EXOC6B: variants seen among roughly 807,000 people sequenced by gnomAD.
EXOC6B encodes the protein exocyst complex component 6B.
EXOC6B carries 54 observed loss-of-function variants against 113.5 expected under a neutral mutation model. The observed-to-expected ratio is 0.48, with a 90% confidence interval of 0.38 to 0.60. EXOC6B has a LOEUF of 0.60. Ranked by LOEUF, EXOC6B falls within the 20% of genes least tolerant of loss-of-function variation. EXOC6B has a pLI of 0.00. For synonymous variants in EXOC6B, 357 were observed against 339.0 expected, an observed-to-expected ratio of 1.05 and a Z score of -0.58; for missense variants, 797 against 977.5, an observed-to-expected ratio of 0.82 and a Z score of 2.46.
At chr2:72,401,025 G>A (rs527554771) in intron 18 of EXOC6B, among the ~76,000 whole-genome samples, 6 of 151,914 alleles carry the variant, frequency 3.9e-5, no homozygotes, top group Non-Finnish European at 8.8e-5. Context: ...TAATAGCAAA[G>A]ATAAGGAATC....
At chr2:72,402,014 G>A (rs1025446231) in intron 18 of EXOC6B, among the ~76,000 whole-genome samples, 3 of 151,522 alleles carry the variant, frequency 2.0e-5, no homozygotes, top group Admixed American at 6.6e-5. Flanking sequence ...ACAAAAAAAT[G>A]GCCTCATAGA....
chr2:72,697,900 T>C (rs1678007839), intron 6 of EXOC6B, among the ~76,000 whole-genome samples: 1 of 152,180 alleles, frequency 6.6e-6, no homozygotes, highest in African/African-American at 2.4e-5. Context: ...GAGTGTTAAA[T>C]CTAATCATGC....
intron 15 of EXOC6B, among the ~76,000 whole-genome samples, 164 bp downstream of exon 15, chr2:72,495,266 T>C (rs1257763493): frequency 1.3e-5 from 2 of 152,226 alleles, no homozygotes; most frequent in African/African-American, 4.8e-5. Flanking sequence ...CAATCTTCTC[T>C]TTCATCGTGA....
At chr2:72,813,160 G>T (rs1323739926) in intron 1 of EXOC6B, among the ~76,000 whole-genome samples, 2 of 152,134 alleles carry the variant, frequency 1.3e-5, no homozygotes, top group Non-Finnish European at 2.9e-5. Context: ...CATGACATTG[G>T]CTCACTGCAG....
At chr2:72,609,579 T>C (rs538136184) in intron 6 of EXOC6B, among the ~76,000 whole-genome samples, 2 of 151,036 alleles carry the variant, frequency 1.3e-5, no homozygotes, top group South Asian at 2.1e-4. Flanking sequence ...GTCCAAACTA[T>C]TGAAGTGCAG....
intron 1 of EXOC6B, among the ~76,000 whole-genome samples, chr2:72,801,180 C>T (rs1685252692): frequency 6.6e-6 from 1 of 152,174 alleles, no homozygotes; most frequent in South Asian, 2.1e-4. Flanking sequence ...TATAGAACAG[C>T]AATTTCTACT....
intron 18 of EXOC6B, among the ~76,000 whole-genome samples, chr2:72,446,148 T>C (rs1402887370): frequency 2.0e-5 from 3 of 152,130 alleles, no homozygotes; most frequent in African/African-American, 4.8e-5. Context: ...ACTAGGTATA[T>C]AACCAGGGGA....
intron 1 of EXOC6B, among the ~76,000 whole-genome samples, chr2:72,753,772 G>A (rs940128717): frequency 6.6e-6 from 1 of 152,090 alleles, no homozygotes; most frequent in Non-Finnish European, 1.5e-5. Context: ...AGTTCCTTGA[G>A]TGTAGCATGT....
chr2:72,390,727 T>C (rs1003574524), intron 18 of EXOC6B, among the ~76,000 whole-genome samples: 3 of 152,202 alleles, frequency 2.0e-5, no homozygotes, highest in Non-Finnish European at 4.4e-5. Context: ...CTGTCTCTGC[T>C]GTATGCTTCA....
At chr2:72,326,294 G>A (rs946511703) in intron 20 of EXOC6B, among the ~76,000 whole-genome samples, 1 of 152,074 alleles carries the variant, frequency 6.6e-6, no homozygotes, top group African/African-American at 2.4e-5. Context: ...CAAATTCCAT[G>A]TTTGTGGATA....
chr2:72,242,686 G>T (rs1265957012), intron 20 of EXOC6B, among the ~76,000 whole-genome samples: 1 of 152,088 alleles, frequency 6.6e-6, no homozygotes, highest in Non-Finnish European at 1.5e-5. Flanking sequence ...AAAAGACAGA[G>T]ATTTTCAGAG....
At chr2:72,531,920 G>C (rs1032025930) in intron 8 of EXOC6B, among the ~76,000 whole-genome samples, 1 of 152,136 alleles carries the variant, frequency 6.6e-6, no homozygotes, top group African/African-American at 2.4e-5. Flanking sequence ...AGGAGGTGGA[G>C]GTTGCAGTGA....
rs1286443743 is a variant in EXOC6B at position 72,287,438 on chromosome 2, AAAAAATAAAAAT to A, written c.2196+47497_2196+47508del. 3.3e-5 allele frequency among the ~76,000 whole-genome samples: 5 copies of A among 150,296 alleles called. No individual in the cohort carries two copies. In the South Asian group the frequency reaches 6.3e-4, roughly 19 times the overall value. ...AGAGTGAGACTTCATCTCAAAAAAA[AAAAAATAAAAAT>A]AAAAATAAAAATAAAAAAATAAAGA... On this transcript the variant is annotated intron_variant, in intron 20 of 21. Coordinates refer to ENST00000272427, the MANE Select transcript of EXOC6B (RefSeq NM_015189.3).
intron 1 of EXOC6B, among the ~76,000 whole-genome samples, chr2:72,815,024 A>G (rs1410281907): frequency 6.6e-6 from 1 of 152,224 alleles, no homozygotes; most frequent in Non-Finnish European, 1.5e-5. Flanking sequence ...GGCTTTGTTT[A>G]CTGATACCTC....
chr2:72,615,602 A>AC (rs1369491475), intron 6 of EXOC6B, among the ~76,000 whole-genome samples: 2 of 151,916 alleles, frequency 1.3e-5, no homozygotes, highest in African/African-American at 4.8e-5. Context: ...AAAAAAAAAA[A>AC]AAACCACTGT....
At chr2:72,453,269 C>T (rs1410134897) in intron 18 of EXOC6B, among the ~76,000 whole-genome samples, 2 of 151,954 alleles carry the variant, frequency 1.3e-5, no homozygotes, top group East Asian at 1.9e-4. Flanking sequence ...GATACTGGCA[C>T]GTAAAAGAAT....
At chr2:72,547,804 G>A (rs769506878) in intron 8 of EXOC6B, among the ~76,000 whole-genome samples, 35 of 152,064 alleles carry the variant, frequency 2.3e-4, no homozygotes, top group African/African-American at 7.7e-4. Flanking sequence ...TAGCCCACCC[G>A]TCTTTATAAC....
chr2:72,529,663 A>C (rs1447598052), intron 8 of EXOC6B, among the ~76,000 whole-genome samples: 1 of 152,132 alleles, frequency 6.6e-6, no homozygotes, highest in African/African-American at 2.4e-5. Flanking sequence ...GGATCTCACT[A>C]TGTTGCCAAG....
intron 20 of EXOC6B, among the ~76,000 whole-genome samples, chr2:72,244,743 A>T (rs549070796): frequency 1.4e-4 from 21 of 152,286 alleles, no homozygotes; most frequent in African/African-American, 4.3e-4. Flanking sequence ...ATTAACATTA[A>T]ACTAAGAATA....
Sources: gnomAD v4.1 joint callset for allele counts (sites outside exome capture counted in the v4.1 genomes callset) on GRCh38, gnomAD v4.1.1 for gene constraint, MANE v1.5 for transcripts, NCBI Gene and HGNC (gene_info 2026-07-23, HGNC 2026-07-21) for gene names.